Variants in CLCN5 observed in about 807,000 individuals in gnomAD.
CLCN5 encodes Cl-/H+ antiporter 5, also known as H(+)/Cl(-) exchange transporter 5.
Under a neutral mutation model 54.0 loss-of-function variants are expected in CLCN5, and 17 were observed. The observed-to-expected ratio is 0.31, with a 90% CI of 0.22 to 0.47. The LOEUF is 0.47. CLCN5 is among the 20% of genes least tolerant of loss of function. The pLI, the probability that CLCN5 is intolerant of heterozygous loss-of-function variation, is 1.00. For synonymous variants in CLCN5, 222 were observed against 233.0 expected, an observed-to-expected ratio of 0.95 and a Z score of 0.43; for missense variants, 448 against 646.7, an observed-to-expected ratio of 0.69 and a Z score of 3.33.
At chrX:49,937,399 A>G (rs1557169945) in intron 3 of CLCN5, among the ~76,000 whole-genome samples, 1 of 111,659 alleles carries the variant, frequency 9.0e-6, no homozygotes, top group Non-Finnish European at 1.9e-5. Context: ...AAATTTAAAT[A>G]AAAACTTTAC....
At chrX:50,074,713 G>T (rs1305328370) in intron 6 of CLCN5, among the ~76,000 whole-genome samples, 1 of 112,224 alleles carries the variant, frequency 8.9e-6, no homozygotes, top group East Asian at 2.8e-4. Context: ...TGTATTTCTT[G>T]TCACTAGGTG....
intron 3 of CLCN5, among the ~76,000 whole-genome samples, chrX:50,032,090 G>A (rs1454571922): frequency 9.1e-6 from 1 of 110,209 alleles, no homozygotes; most frequent in East Asian, 2.9e-4. Context: ...TGGTGTATAT[G>A]TGCCACATTT....
intron 4 of CLCN5, among the ~76,000 whole-genome samples, chrX:50,046,277 C>G (rs1036866506): frequency 4.5e-5 from 5 of 112,309 alleles, no homozygotes; most frequent in African/African-American, 1.6e-4. Context: ...TTCATTCATT[C>G]ATTCACTTAC....
chrX:50,033,466 A>G (rs1452116038), intron 3 of CLCN5, among the ~76,000 whole-genome samples: 3 of 111,599 alleles, frequency 2.7e-5, no homozygotes, highest in African/African-American at 9.8e-5. Context: ...TACAAGGGAC[A>G]TGAAGGACCT....
rs1354970186 is a variant in CLCN5 at position 50,092,857 on chromosome X, T to C, written c.*638T>C. 8.8e-6 allele frequency: 1 copy of C among 113,377 alleles called. No individual in the cohort carries two copies. The highest frequency in any genetic ancestry group is 1.9e-5 in the Non-Finnish European group (1 of 53,733). 9.3% of individuals were successfully genotyped at this position (113,377 alleles called of 1,213,427 possible). On this transcript the variant is annotated 3_prime_UTR_variant, in exon 15 of 15. Transcript: ENST00000376091. Reference sequence around the variant, plus strand: ...GCTGCTTTGGTTAATCTCTTCTAAATGAATTTAGAGAGATTGACTTTTATA... The same window carrying C: ...GCTGCTTTGGTTAATCTCTTCTAAACGAATTTAGAGAGATTGACTTTTATA...
rs199594074 is a variant in CLCN5, at chrX:50,086,735, G to A, written c.1422G>A (p.Glu474=). The A allele has an allele frequency of 2.2e-4, 263 of 1,208,982 alleles. No individual in the cohort carries two copies. The East Asian group carries it at 5.4e-3, about 25-fold the overall frequency. ...ACTCCTCCAAGCTCTGTGATTATGA[G>A]AACCGTTTCAACACAAGCAAAGGGG... The part of the protein sequence containing the change: ...LLDSSKLCDY[E]NRFNTSKGGE... Residue 474 remains glutamate (E), a synonymous_variant, in exon 11 of 15, where the codon GAG becomes GAA. Coordinates refer to ENST00000376091, the MANE Select transcript of CLCN5 (RefSeq NM_001127898.4).
chrX:50,077,613 A>AGT (rs1265727090), intron 7 of CLCN5, among the ~76,000 whole-genome samples: 61 of 91,133 alleles, frequency 6.7e-4, no homozygotes, highest in Middle Eastern at 5.3e-3. Context: ...AGAGAGAGAG[A>AGT]GAGAGAGAGT....
Position 50,042,310 on chromosome X carries a change from G to A in CLCN5, c.17-6G>A. ...TTATAAGCCTCCTATTTTTCTTTCT[G>A]CACAGGTGCCATGGATAACAGAGGC... On this transcript the variant is annotated splice_polypyrimidine_tract_variant and splice_region_variant and intron_variant, in intron 3 of 14. Transcript: ENST00000376091. 1.8e-6 allele frequency: 2 copies of A among 1,116,947 alleles called. No individual in the cohort carries two copies. The highest frequency in any genetic ancestry group is 2.4e-6 in the Non-Finnish European group (2 of 834,706). 92.0% of individuals were successfully genotyped at this position (1,116,947 alleles called of 1,213,427 possible).
intron 3 of CLCN5, among the ~76,000 whole-genome samples, chrX:50,038,793 C>T (rs1197736353): frequency 8.9e-6 from 1 of 112,224 alleles, no homozygotes; most frequent in Non-Finnish European, 1.9e-5. Flanking sequence ...GCTGATGTTA[C>T]ATTCAAAGCA....
chrX:50,072,219 G>A (rs181347788), intron 5 of CLCN5, among the ~76,000 whole-genome samples: 1 of 112,137 alleles, frequency 8.9e-6, no homozygotes, highest in Non-Finnish European at 1.9e-5. Flanking sequence ...ACTGCAATAA[G>A]CAAAACAAGT....
At chrX:49,925,434 T>G in intron 3 of CLCN5, 120 bp downstream of exon 3, 1 of 710,013 alleles carries the variant, frequency 1.4e-6, no homozygotes, top group Non-Finnish European at 2.2e-6. Context: ...ATTTAACCCT[T>G]TGTCTTTGCA....
intron 3 of CLCN5, among the ~76,000 whole-genome samples, chrX:49,982,335 C>A (rs1557177779): frequency 9.2e-6 from 1 of 109,212 alleles, no homozygotes; most frequent in East Asian, 2.9e-4. Flanking sequence ...GCCACTGACC[C>A]GCTGAAAAAA....
At chrX:50,047,573 A>G (rs1379593054) in intron 4 of CLCN5, among the ~76,000 whole-genome samples, 1 of 111,276 alleles carries the variant, frequency 9.0e-6, no homozygotes, top group Non-Finnish European at 1.9e-5. Context: ...TTTTTTTTTA[A>G]TTAGCTAAAG....
intron 8 of CLCN5, among the ~76,000 whole-genome samples, chrX:50,081,002 T>C (rs1933673031): frequency 9.0e-6 from 1 of 111,645 alleles, no homozygotes; most frequent in East Asian, 2.8e-4. Flanking sequence ...CCCAAGATTC[T>C]GACCTGAAAA....
At chrX:49,999,409 CTTT>C (rs782377247) in intron 3 of CLCN5, among the ~76,000 whole-genome samples, 4 of 91,263 alleles carry the variant, frequency 4.4e-5, no homozygotes, top group Non-Finnish European at 6.6e-5. Context: ...GTGGACTTTG[CTTT>C]TTTTTTTTTT....
intron 14 of CLCN5, among the ~76,000 whole-genome samples, chrX:50,091,850 G>A (rs1309833246): frequency 8.9e-6 from 1 of 112,313 alleles, no homozygotes; most frequent in African/African-American, 3.2e-5. Context: ...GAACTGGGCT[G>A]CAGTAGATAA....
chrX:50,032,475 G>A (rs1412184929), intron 3 of CLCN5, among the ~76,000 whole-genome samples: 1 of 111,296 alleles, frequency 9.0e-6, no homozygotes, highest in Non-Finnish European at 1.9e-5. Flanking sequence ...GGCCGGTGTT[G>A]GTGAGCATTT....
At chrX:49,986,600 A>G (rs1016719321) in intron 3 of CLCN5, among the ~76,000 whole-genome samples, 5 of 111,878 alleles carry the variant, frequency 4.5e-5, no homozygotes, top group Non-Finnish European at 9.4e-5. Flanking sequence ...GATATTTAGC[A>G]CATTCATAAG....
chrX:50,042,286 T>A (rs782155673), intron 3 of CLCN5, 30 bp from the exon 4 acceptor site: 5 of 904,207 alleles, frequency 5.5e-6, no homozygotes, highest in Non-Finnish European at 7.6e-6. Flanking sequence ...AGATCATTGT[T>A]ATAAGCCTCC....
Sources: allele counts gnomAD v4.1 joint callset (sites outside exome capture counted in the v4.1 genomes callset), GRCh38; gene constraint gnomAD v4.1.1; transcripts MANE v1.5; gene names NCBI Gene and HGNC (gene_info 2026-07-23, HGNC 2026-07-21).